Variants in CAP2 observed in about 807,000 individuals in gnomAD.
CAP2 encodes cyclase associated actin cytoskeleton regulatory protein 2, also known as adenylyl cyclase-associated protein 2.
A neutral mutation model predicts 57.7 loss-of-function variants in CAP2; 24 were observed. The ratio of observed to expected loss-of-function variants is 0.42; its 90% CI spans 0.30 to 0.58. The LOEUF (loss-of-function observed/expected upper bound fraction) is 0.58, where lower values mean the gene tolerates loss of function less well. Among genes scored for constraint, CAP2 ranks in the 20% least tolerant of loss-of-function variants. The probability of loss-of-function intolerance (pLI) is 0.22; values close to 1 mark genes in which losing one functional copy is unlikely to be tolerated. For synonymous variants in CAP2, 194 were observed against 207.2 expected (o/e 0.94, Z 0.55); for missense variants, 501 against 590.3 (o/e 0.85, Z 1.57).
At chr6:17,541,224 A>G in intron 9 of CAP2, 76 bp downstream of exon 9, 1 of 1,144,298 alleles carries the variant, frequency 8.7e-7, no homozygotes, top group Non-Finnish European at 1.2e-6. Context: ...ATTTACCAAG[A>G]TCTGAAGGAT....
Position 17,456,898 on chromosome 6 carries a change from G to A in CAP2, c.223-6098G>A, listed in dbSNP as rs188341984. Among the ~76,000 whole-genome samples the A allele has an allele frequency of 4.1e-4, 63 of 152,284 alleles. 2 individuals are homozygous for A. Among genetic ancestry groups the A allele is most frequent in the Admixed American group, 3.8e-3 (58 of 15,288 alleles). ...AGTTCTTCCAGTGAAACAATGCAAA[G>A]CTTTGATGAGTATCCAGAAATCAAC... On this transcript the variant is annotated intron_variant, in intron 3 of 12. Coordinates refer to ENST00000229922, the MANE Select transcript of CAP2 (RefSeq NM_006366.3).
intron 4 of CAP2, among the ~76,000 whole-genome samples, chr6:17,472,058 G>GCAATATAT (rs1284993776): frequency 9.1e-5 from 9 of 98,442 alleles, no homozygotes; most frequent in African/African-American, 1.0e-4. Context: ...GAATGGGCCG[G>GCAATATAT]GCGCGGTGGC....
intron 12 of CAP2, 108 bp from the exon 13 acceptor site, chr6:17,556,250 GC>G: frequency 1.3e-6 from 1 of 741,582 alleles, no homozygotes. Context: ...GAATTTCTTT[GC>G]CTATCATGTG....
chr6:17,524,104 G>GAAGTTTTCCTGT, intron 7 of CAP2, among the ~76,000 whole-genome samples: 1 of 148,592 alleles, frequency 6.7e-6, no homozygotes, highest in Admixed American at 6.7e-5. Flanking sequence ...AAAGGAGTAA[G>GAAGTTTTCCTGT]AAGTTTTCCT....
intron 4 of CAP2, among the ~76,000 whole-genome samples, chr6:17,480,069 G>T (rs988865731): frequency 6.6e-6 from 1 of 152,080 alleles, no homozygotes; most frequent in African/African-American, 2.4e-5. Context: ...CCTCCAGCCT[G>T]TCTTCCATTC....
At chr6:17,464,571 T>C (rs1354750766) in intron 4 of CAP2, among the ~76,000 whole-genome samples, 1 of 152,132 alleles carries the variant, frequency 6.6e-6, no homozygotes, top group African/African-American at 2.4e-5. Context: ...GACTGTGACT[T>C]CATTGGTCTG....
intron 4 of CAP2, among the ~76,000 whole-genome samples, chr6:17,504,022 C>A (rs529463028): frequency 6.6e-6 from 1 of 152,344 alleles, no homozygotes; most frequent in Admixed American, 6.5e-5. Flanking sequence ...ACTTTGCTTT[C>A]TTTCCCTGTA....
chr6:17,512,401 A>G (rs116039860), intron 6 of CAP2, among the ~76,000 whole-genome samples: 2,204 of 152,244 alleles, frequency 0.014, 48 homozygotes, highest in African/African-American at 0.05. Flanking sequence ...GTCTCTAAAA[A>G]AAAAAAAGAG....
chr6:17,427,659 G>A (rs1363960547), intron 3 of CAP2, among the ~76,000 whole-genome samples: 1 of 151,334 alleles, frequency 6.6e-6, no homozygotes, highest in Non-Finnish European at 1.5e-5. Flanking sequence ...TCACTTCTAT[G>A]TATATCCCCC....
chr6:17,536,529 T>C (rs1762778463), intron 7 of CAP2, among the ~76,000 whole-genome samples: 1 of 152,232 alleles, frequency 6.6e-6, no homozygotes, highest in South Asian at 2.1e-4. Flanking sequence ...AAATGCTTTG[T>C]CTCGCGTTCC....
chr6:17,430,819 G>A lies in CAP2; in HGVS notation c.222+4129G>A, dbSNP rs190005007. Among the ~76,000 whole-genome samples the A allele has an allele frequency of 3.1e-3, 471 of 152,318 alleles. 4 individuals carry two copies. The highest frequency in any genetic ancestry group is 0.011 in the African/African-American group (437 of 41,558). ...CCCAAAGTGCTGGGATTATAGGCGT[G>A]AGCCACTGCACCCGGCCATTAGGGG... On this transcript the variant is annotated intron_variant, in intron 3 of 12. Coordinates refer to ENST00000229922, the MANE Select transcript of CAP2 (RefSeq NM_006366.3).
At chr6:17,394,164 G>A (rs543933216) in intron 1 of CAP2, among the ~76,000 whole-genome samples, 3 of 147,876 alleles carry the variant, frequency 2.0e-5, no homozygotes, top group African/African-American at 5.0e-5. Context: ...GTCTTCCAGG[G>A]GGGTGGGGGT....
At chr6:17,493,193 A>G (rs1737116517) in intron 4 of CAP2, among the ~76,000 whole-genome samples, 1 of 152,180 alleles carries the variant, frequency 6.6e-6, no homozygotes, top group South Asian at 2.1e-4. Context: ...TAGTTTGTGT[A>G]TTCATTCACT....
At chr6:17,487,319 C>G (rs1390489811) in intron 4 of CAP2, among the ~76,000 whole-genome samples, 1 of 152,152 alleles carries the variant, frequency 6.6e-6, no homozygotes, top group Non-Finnish European at 1.5e-5. Context: ...GCCTCTGACT[C>G]TCTCCTCCCT....
At chr6:17,492,562 G>T (rs974025980) in intron 4 of CAP2, among the ~76,000 whole-genome samples, 1 of 152,152 alleles carries the variant, frequency 6.6e-6, no homozygotes, top group Non-Finnish European at 1.5e-5. Flanking sequence ...CAGTTGGGGG[G>T]AAAAGCAGCT....
intron 3 of CAP2, among the ~76,000 whole-genome samples, chr6:17,440,665 C>T (rs919322632): frequency 6.8e-6 from 1 of 147,778 alleles, no homozygotes; most frequent in South Asian, 2.1e-4. Flanking sequence ...ATGTTCAATT[C>T]TGTATCTCCC....
At chr6:17,454,636 A>G (rs1760507587) in intron 3 of CAP2, among the ~76,000 whole-genome samples, 1 of 152,218 alleles carries the variant, frequency 6.6e-6, no homozygotes. Flanking sequence ...AGTTCCCATG[A>G]CTGGCTTAAC....
chr6:17,441,209 C>T (rs890583388), intron 3 of CAP2, among the ~76,000 whole-genome samples: 2 of 151,342 alleles, frequency 1.3e-5, no homozygotes, highest in Non-Finnish European at 2.9e-5. Flanking sequence ...TTAGTTATAT[C>T]GAAGTGACCA....
chr6:17,396,885 T>C (rs6908632), intron 1 of CAP2, among the ~76,000 whole-genome samples: 65,542 of 151,994 alleles, frequency 0.43, 17,164 homozygotes, highest in African/African-American at 0.75. Flanking sequence ...AGATTGTTAG[T>C]ATCCAGTTGC....
Sources: gnomAD v4.1 joint callset for allele counts (sites outside exome capture counted in the v4.1 genomes callset) on GRCh38, gnomAD v4.1.1 for gene constraint, MANE v1.5 for transcripts, NCBI Gene and HGNC (gene_info 2026-07-23, HGNC 2026-07-21) for gene names.